Variants in WWOX observed in about 807,000 individuals in gnomAD.
The protein encoded by WWOX is WW domain containing oxidoreductase.
WWOX carries 69 observed loss-of-function variants against 46.2 expected under a neutral mutation model. The observed-to-expected ratio is 1.49, with a 90% CI of 1.23 to 1.82. The LOEUF (loss-of-function observed/expected upper bound fraction) is 1.82, where lower values mean the gene tolerates loss of function less well. Among genes scored for constraint, WWOX ranks in the 40% most tolerant of loss-of-function variants. The pLI, the probability that WWOX is intolerant of heterozygous loss-of-function variation, is 0.00. For synonymous variants in WWOX, 359 were observed against 202.6 expected (o/e 1.77, Z -6.56); for missense variants, 919 against 542.6 (o/e 1.69, Z -6.89).
chr16:78,452,864 T>TAC (rs1286735144), intron 8 of WWOX, among the ~76,000 whole-genome samples: 15 of 149,928 alleles, frequency 1.0e-4, no homozygotes, highest in African/African-American at 3.8e-4. Flanking sequence ...TCCAGTGAGC[T>TAC]ATTTATATAT....
intron 8 of WWOX, among the ~76,000 whole-genome samples, chr16:79,041,517 G>A (rs1007082180): frequency 5.3e-5 from 8 of 152,128 alleles, no homozygotes; most frequent in African/African-American, 1.4e-4. Flanking sequence ...CATTAAGTCC[G>A]CAGAACTCAT....
chr16:78,975,408 A>G (rs1449929841), intron 8 of WWOX, among the ~76,000 whole-genome samples: 1 of 151,796 alleles, frequency 6.6e-6, no homozygotes, highest in Non-Finnish European at 1.5e-5. Flanking sequence ...GTGGTCCTGG[A>G]TGAAAATAAC....
At chr16:78,530,888 C>G (rs935873813) in intron 8 of WWOX, among the ~76,000 whole-genome samples, 4 of 152,194 alleles carry the variant, frequency 2.6e-5, no homozygotes, top group Admixed American at 2.6e-4. Flanking sequence ...AAACGTTTTA[C>G]AACACATTAT....
At chr16:79,180,024 T>C (rs1275644440) in intron 8 of WWOX, among the ~76,000 whole-genome samples, 1 of 151,972 alleles carries the variant, frequency 6.6e-6, no homozygotes. Flanking sequence ...CCATAGAAGA[T>C]GGTTGTTGTC....
chr16:78,634,806 C>G (rs536101609), intron 8 of WWOX, among the ~76,000 whole-genome samples: 1 of 131,988 alleles, frequency 7.6e-6, no homozygotes, highest in South Asian at 2.4e-4. Context: ...GCTCAGCACC[C>G]GACTGGAGAG....
chr16:78,700,006 G>C (rs2048178368), intron 8 of WWOX, among the ~76,000 whole-genome samples: 1 of 151,954 alleles, frequency 6.6e-6, no homozygotes, highest in Admixed American at 6.6e-5. Context: ...GGACGCAGAG[G>C]GTCCTGCGGT....
chr16:78,383,161 G>C (rs888459955), intron 5 of WWOX, among the ~76,000 whole-genome samples: 1 of 151,614 alleles, frequency 6.6e-6, no homozygotes, highest in Non-Finnish European at 1.5e-5. Context: ...CCAGTATTGG[G>C]GATTACAATT....
intron 8 of WWOX, among the ~76,000 whole-genome samples, chr16:78,742,966 T>A (rs749616804): frequency 3.3e-5 from 5 of 152,046 alleles, no homozygotes; most frequent in African/African-American, 4.8e-5. Context: ...AAGAGGGGCC[T>A]CGTTAATGTC....
At chr16:79,183,349 G>A (rs1418906800) in intron 8 of WWOX, among the ~76,000 whole-genome samples, 1 of 152,092 alleles carries the variant, frequency 6.6e-6, no homozygotes, top group African/African-American at 2.4e-5. Flanking sequence ...GAGGAGGGAG[G>A]GACACAAGAA....
intron 8 of WWOX, among the ~76,000 whole-genome samples, chr16:78,969,651 G>A (rs968252874): frequency 6.6e-6 from 1 of 152,102 alleles, no homozygotes; most frequent in African/African-American, 2.4e-5. Context: ...TATGAACAAG[G>A]GAGTTTCCTG....
intron 8 of WWOX, among the ~76,000 whole-genome samples, chr16:78,778,070 T>G (rs746225679): frequency 4.0e-5 from 6 of 151,542 alleles, no homozygotes; most frequent in Non-Finnish European, 4.4e-5. Context: ...AAAAAGACAT[T>G]TACATTTTAT....
intron 5 of WWOX, among the ~76,000 whole-genome samples, chr16:78,331,480 C>T (rs562325820): frequency 2.0e-5 from 3 of 152,180 alleles, no homozygotes; most frequent in Admixed American, 6.5e-5. Context: ...CTTTGGAGAC[C>T]GTCTTCGTAA....
At chr16:78,516,273 G>C (rs937366284) in intron 8 of WWOX, among the ~76,000 whole-genome samples, 1 of 152,058 alleles carries the variant, frequency 6.6e-6, no homozygotes, top group Admixed American at 6.5e-5. Flanking sequence ...TTTGCTGTTG[G>C]CTTTTACAAG....
intron 6 of WWOX, among the ~76,000 whole-genome samples, chr16:78,389,874 A>G (rs1371033484): frequency 1.3e-5 from 2 of 152,066 alleles, no homozygotes; most frequent in Non-Finnish European, 2.9e-5. Flanking sequence ...CTCATCCTCC[A>G]GAGTAGCTGG....
chr16:78,796,086 A>T (rs972215661), intron 8 of WWOX, among the ~76,000 whole-genome samples: 1 of 152,234 alleles, frequency 6.6e-6, no homozygotes, highest in Non-Finnish European at 1.5e-5. Context: ...GGCTAAGAGA[A>T]TGGCTCTGAA....
At chr16:78,422,778 T>TATATATATACACAC (rs2151958151) in intron 6 of WWOX, among the ~76,000 whole-genome samples, 3 of 125,792 alleles carry the variant, frequency 2.4e-5, no homozygotes, top group African/African-American at 1.2e-4. Flanking sequence ...TACACACATA[T>TATATATATACACAC]ATATATACAC....
At chr16:78,164,142 G>C (rs1278608778) in intron 4 of WWOX, 41 bp from the exon 5 acceptor site, 2 of 1,557,476 alleles carry the variant, frequency 1.3e-6, no homozygotes, top group Non-Finnish European at 1.8e-6. Context: ...TCACTGTGTT[G>C]ATGTTATGTT....
At chr16:79,194,664 G>A (rs1238723130) in intron 8 of WWOX, among the ~76,000 whole-genome samples, 1 of 152,154 alleles carries the variant, frequency 6.6e-6, no homozygotes, top group South Asian at 2.1e-4. Flanking sequence ...ATTTCTCACT[G>A]CCTTTCTGTT....
At chr16:78,874,836 G>A (rs1185634219) in intron 8 of WWOX, among the ~76,000 whole-genome samples, 2 of 151,918 alleles carry the variant, frequency 1.3e-5, no homozygotes, top group Non-Finnish European at 2.9e-5. Context: ...CACTAGAAGT[G>A]ATTTCCACTG....
Sources: allele counts gnomAD v4.1 joint callset (sites outside exome capture counted in the v4.1 genomes callset), GRCh38; gene constraint gnomAD v4.1.1; transcripts MANE v1.5; gene names NCBI Gene and HGNC (gene_info 2026-07-23, HGNC 2026-07-21).